Variants in CHCHD6 observed in about 807,000 individuals in gnomAD.
CHCHD6 encodes the protein coiled-coil-helix-coiled-coil-helix domain containing 6.
In CHCHD6, 28 loss-of-function variants were observed where a neutral mutation model predicts 32.3. The observed-to-expected ratio is 0.87, with a 90% confidence interval of 0.64 to 1.19. CHCHD6 has a LOEUF of 1.19. CHCHD6 is among the 50% of genes most tolerant of loss of function. The pLI, the probability that CHCHD6 is intolerant of heterozygous loss-of-function variation, is 0.00. For synonymous variants in CHCHD6, 122 were observed against 117.5 expected (o/e 1.04, Z -0.25); for missense variants, 333 against 307.0 (o/e 1.08, Z -0.63).
Position 126,734,659 on chromosome 3 carries a change from A to G in CHCHD6, c.411+1437A>G, listed in dbSNP as rs1022298689. Among the ~76,000 whole-genome samples, 4 of 152,240 alleles carry G rather than the reference A, an allele frequency of 2.6e-5. 1 individual carries two copies. Among genetic ancestry groups the G allele is most frequent in the African/African-American group, 9.6e-5 (4 of 41,462 alleles). ...AACTTTGAAAAAGGCCAGATTGGTT[A>G]CAGTAGTTGTTAAATTGAAGAAAAG... On this transcript the variant is annotated intron_variant, in intron 4 of 7. Coordinates refer to ENST00000290913, the MANE Select transcript of CHCHD6 (RefSeq NM_032343.3).
chr3:126,780,211 T>C (rs1385622564), intron 4 of CHCHD6: 1 of 268,732 alleles, frequency 3.7e-6, no homozygotes, highest in Non-Finnish European at 7.4e-6. Flanking sequence ...TTAAGAATGG[T>C]TTGTCTTCAA....
At chr3:126,937,232 G>A (rs557311373) in intron 6 of CHCHD6, among the ~76,000 whole-genome samples, 7 of 152,314 alleles carry the variant, frequency 4.6e-5, no homozygotes, top group African/African-American at 1.4e-4. Context: ...TTTCCACCAC[G>A]CCATACGGCC....
chr3:126,737,870 G>C (rs1387553447), intron 4 of CHCHD6, among the ~76,000 whole-genome samples: 1 of 152,030 alleles, frequency 6.6e-6, no homozygotes, highest in Admixed American at 6.5e-5. Context: ...TGCGGTTGTG[G>C]AACGACATCC....
intron 5 of CHCHD6, among the ~76,000 whole-genome samples, chr3:126,904,370 A>C (rs1202386051): frequency 6.6e-6 from 1 of 152,218 alleles, no homozygotes; most frequent in African/African-American, 2.4e-5. Flanking sequence ...ATTCCCACCC[A>C]AACACTTGTC....
At chr3:126,803,032 C>G (rs1243222257) in intron 4 of CHCHD6, among the ~76,000 whole-genome samples, 1 of 151,954 alleles carries the variant, frequency 6.6e-6, no homozygotes, top group Non-Finnish European at 1.5e-5. Context: ...TTGTCACCAC[C>G]AGGCCTGCCC....
intron 5 of CHCHD6, among the ~76,000 whole-genome samples, chr3:126,906,228 A>G (rs941268042): frequency 2.6e-5 from 4 of 152,124 alleles, no homozygotes; most frequent in Non-Finnish European, 4.4e-5. Context: ...ATGGTATTCC[A>G]TGCTCCCTCA....
chr3:126,733,241 T>G lies in CHCHD6; in HGVS notation c.411+19T>G. 6.2e-7 allele frequency: 1 copy of G among 1,608,506 alleles called. No homozygotes were observed. Among genetic ancestry groups the G allele is most frequent in the East Asian group, 2.2e-5 (1 of 44,678 alleles). The stretch of plus-strand genomic sequence containing the variant: ...CCGGCTGGTGAGTGCAGATTTTCCC[T>G]GATCTGGCCTTCTGAGCTGGGCAGC... On this transcript the variant is annotated intron_variant, in intron 4 of 7. Transcript: ENST00000290913.
In CHCHD6 at chr3:126,783,615, C is replaced by T. The variant is rs1432302329; in HGVS notation, c.411+50393C>T. On this transcript the variant is annotated intron_variant, in intron 4 of 7. Coordinates refer to ENST00000290913, the MANE Select transcript of CHCHD6 (RefSeq NM_032343.3). ...GGATGCAATATCAACATAGAAATATCAATTGCATTTCTATATACTAATAAT... is the reference window on the plus strand; with the variant it reads ...GGATGCAATATCAACATAGAAATATTAATTGCATTTCTATATACTAATAAT... Among the ~76,000 whole-genome samples, 9 of 152,298 alleles carry T rather than the reference C, an allele frequency of 5.9e-5. 1 individual carries two copies. The South Asian group carries it at 8.3e-4, about 14-fold the overall frequency.
intron 5 of CHCHD6, among the ~76,000 whole-genome samples, chr3:126,885,030 G>A (rs1425485235): frequency 2.6e-5 from 4 of 152,118 alleles, no homozygotes; most frequent in African/African-American, 7.2e-5. Flanking sequence ...GCCCCATCTC[G>A]CTGACCTGAA....
chr3:126,722,881 C>T (rs1559804614), intron 1 of CHCHD6, among the ~76,000 whole-genome samples: 1 of 152,114 alleles, frequency 6.6e-6, no homozygotes, highest in African/African-American at 2.4e-5. Flanking sequence ...ATTGCCAAAG[C>T]CAAGGTCATA....
At chr3:126,883,045 T>C (rs746053597) in intron 5 of CHCHD6, among the ~76,000 whole-genome samples, 4 of 152,194 alleles carry the variant, frequency 2.6e-5, no homozygotes, top group Non-Finnish European at 5.9e-5. Flanking sequence ...TAATCAATCT[T>C]GCCTACATAA....
chr3:126,767,130 CA>C (rs1937405745), intron 4 of CHCHD6: 2 of 1,550,084 alleles, frequency 1.3e-6, no homozygotes, highest in East Asian at 4.5e-5. Flanking sequence ...CCCAGCTGAC[CA>C]TATTCATGGC....
chr3:126,941,038 T>G (rs1321079811), intron 6 of CHCHD6, among the ~76,000 whole-genome samples: 1 of 152,238 alleles, frequency 6.6e-6, no homozygotes, highest in Non-Finnish European at 1.5e-5. Flanking sequence ...AAATGTATTT[T>G]TGTTGCCAAT....
chr3:126,955,215 C>A (rs1315896542), intron 6 of CHCHD6, among the ~76,000 whole-genome samples: 1 of 152,256 alleles, frequency 6.6e-6, no homozygotes, highest in Non-Finnish European at 1.5e-5. Context: ...CACCTGGAGA[C>A]AAATCAGGGG....
chr3:126,716,404 G>A (rs1003684746), intron 1 of CHCHD6, among the ~76,000 whole-genome samples: 3 of 152,122 alleles, frequency 2.0e-5, no homozygotes, highest in African/African-American at 7.2e-5. Flanking sequence ...GGAACTCGGA[G>A]TTCCATTGTT....
At chr3:126,751,942 T>C (rs1016682773) in intron 4 of CHCHD6, among the ~76,000 whole-genome samples, 4 of 152,248 alleles carry the variant, frequency 2.6e-5, no homozygotes, top group Non-Finnish European at 5.9e-5. Context: ...CCTTGTACCC[T>C]GTCCACCTCT....
intron 6 of CHCHD6, among the ~76,000 whole-genome samples, chr3:126,918,449 G>C (rs1028072696): frequency 1.3e-5 from 2 of 152,226 alleles, no homozygotes; most frequent in African/African-American, 4.8e-5. Context: ...GTCCCTGCCA[G>C]CAAGGAGCTT....
chr3:126,828,164 T>C (rs141368851), intron 4 of CHCHD6, among the ~76,000 whole-genome samples: 1 of 152,318 alleles, frequency 6.6e-6, no homozygotes, highest in Non-Finnish European at 1.5e-5. Context: ...GAAGACTGTG[T>C]GTTTTCCCTG....
intron 4 of CHCHD6, among the ~76,000 whole-genome samples, chr3:126,813,621 G>A (rs1939753124): frequency 6.6e-6 from 1 of 152,204 alleles, no homozygotes; most frequent in Non-Finnish European, 1.5e-5. Flanking sequence ...ACTCAACAAT[G>A]AGCAGAGGCT....
Sources: gnomAD v4.1 joint callset for allele counts (sites outside exome capture counted in the v4.1 genomes callset) on GRCh38, gnomAD v4.1.1 for gene constraint, MANE v1.5 for transcripts, NCBI Gene and HGNC (gene_info 2026-07-23, HGNC 2026-07-21) for gene names.